Variants in LRRK2 observed in about 807,000 individuals in gnomAD.
The protein encoded by LRRK2 is leucine rich repeat kinase 2.
In LRRK2, 203 loss-of-function variants were observed where a neutral mutation model predicts 302.6. The observed-to-expected ratio is 0.67, with a 90% CI of 0.60 to 0.75. The LOEUF (loss-of-function observed/expected upper bound fraction) is 0.75, where lower values mean the gene tolerates loss of function less well. Among genes scored for constraint, LRRK2 ranks in the 30% least tolerant of loss-of-function variants. The pLI, the probability that LRRK2 is intolerant of heterozygous loss-of-function variation, is 0.00. For synonymous variants in LRRK2, 1,066 were observed against 1,031.9 expected (o/e 1.03, Z -0.63); for missense variants, 2,830 against 2,951.0 (o/e 0.96, Z 0.95).
chr12:40,233,218 A>AAAAC (rs759810380), intron 3 of LRRK2, among the ~76,000 whole-genome samples: 10 of 152,220 alleles, frequency 6.6e-5, no homozygotes, highest in Non-Finnish European at 1.5e-4. Flanking sequence ...CTCTGTCTCA[A>AAAAC]AAACAAACAA....
intron 43 of LRRK2, among the ~76,000 whole-genome samples, chr12:40,348,804 T>A (rs942569234): frequency 1.3e-5 from 2 of 152,076 alleles, no homozygotes; most frequent in Non-Finnish European, 2.9e-5. Context: ...AGAAAAAAAT[T>A]TTTATATATA....
At chr12:40,308,722 AT>A in intron 29 of LRRK2, 26 bp downstream of exon 29, 3 of 1,600,934 alleles carry the variant, frequency 1.9e-6, no homozygotes, top group Non-Finnish European at 2.6e-6. Flanking sequence ...GAATTTTAAA[AT>A]TCACTTTTAC....
At chr12:40,355,547 C>CTT (rs112905910) in intron 45 of LRRK2, among the ~76,000 whole-genome samples, 2 of 87,374 alleles carry the variant, frequency 2.3e-5, no homozygotes, top group African/African-American at 4.4e-5. Context: ...CTTCCTTCTT[C>CTT]TTTTTTTTTT....
In LRRK2 at chr12:40,358,586, G is replaced by A. The variant is rs866721494; in HGVS notation, c.6844-674G>A. On this transcript the variant is annotated intron_variant, in intron 46 of 50. Coordinates refer to ENST00000298910, the MANE Select transcript of LRRK2 (RefSeq NM_198578.4). ...GTCCTCTACATTGGTCTACCTACCT[G>A]TGTTTTTGCCAATACTGTGCTGTTT... 2.6e-5 allele frequency among the ~76,000 whole-genome samples: 4 copies of A among 152,046 alleles called. No individual in the cohort carries two copies. In the South Asian group the frequency reaches 8.3e-4, roughly 32 times the overall value.
intron 14 of LRRK2, among the ~76,000 whole-genome samples, chr12:40,271,031 C>T (rs1437742735): frequency 6.6e-6 from 1 of 152,054 alleles, no homozygotes; most frequent in Non-Finnish European, 1.5e-5. Context: ...CCTGCCTCGA[C>T]CTCCCAAAGT....
At chr12:40,320,497 CT>C in intron 34 of LRRK2, among the ~76,000 whole-genome samples, 1 of 151,892 alleles carries the variant, frequency 6.6e-6, no homozygotes, top group South Asian at 2.1e-4. Flanking sequence ...TTAAACAACA[CT>C]GAGAGAGTTT....
At chr12:40,339,290 A>C (rs1032024615) in intron 40 of LRRK2, among the ~76,000 whole-genome samples, 3 of 152,228 alleles carry the variant, frequency 2.0e-5, no homozygotes, top group Non-Finnish European at 4.4e-5. Flanking sequence ...AGGTTATAAC[A>C]TACCTGTGAC....
rs58559150 is a variant in LRRK2, at chr12:40,293,624, G to C, written c.2769G>C (p.Gln923His). 225 of 1,611,608 alleles carry C rather than the reference G, an allele frequency of 1.4e-4. 1 individual carries two copies. The highest frequency in any genetic ancestry group is 6.7e-4 in the Admixed American group (40 of 59,838). ...AATTTTACCGAGATGCCGTATTACAGCGTTGCTCACCAAATTTGCAAAGAC... is the reference window on the plus strand; with the variant it reads ...AATTTTACCGAGATGCCGTATTACACCGTTGCTCACCAAATTTGCAAAGAC... ...VGEFYRDAVL[Q>H]RCSPNLQRHS... The change falls in exon 21 of 51, where the codon CAG (glutamine) becomes CAC (histidine). Residue 923 changes from glutamine (Q) to histidine (H), a missense_variant. Around this residue, in one of 3 missense-constraint regions of LRRK2, gnomAD observed 2,121 missense variants for 2,148.0 expected, o/e 0.99. Coordinates refer to ENST00000298910, the MANE Select transcript of LRRK2 (RefSeq NM_198578.4).
chr12:40,247,465 A>T lies in LRRK2; in HGVS notation c.839-2361A>T, dbSNP rs1592155852. 4.7e-5 allele frequency among the ~76,000 whole-genome samples: 7 copies of T among 148,484 alleles called. No homozygotes were observed. The South Asian group carries it at 1.5e-3, about 31-fold the overall frequency. On this transcript the variant is annotated intron_variant, in intron 7 of 50. Coordinates refer to ENST00000298910, the MANE Select transcript of LRRK2 (RefSeq NM_198578.4). ...ACTGTATATAAAAATATGTATATAA[A>T]TATATACACATTGTATATAAATGTG...
At chr12:40,292,589 A>G (rs1478671570) in intron 20 of LRRK2, among the ~76,000 whole-genome samples, 1 of 151,764 alleles carries the variant, frequency 6.6e-6, no homozygotes, top group Non-Finnish European at 1.5e-5. Context: ...AAGCATTAAA[A>G]TAATTTAAAC....
intron 25 of LRRK2, among the ~76,000 whole-genome samples, chr12:40,302,165 G>A (rs535761726): frequency 1.3e-5 from 2 of 152,048 alleles, no homozygotes; most frequent in South Asian, 4.1e-4. Context: ...GCAACAGAGC[G>A]AGACTCTGTC....
intron 3 of LRRK2, among the ~76,000 whole-genome samples, chr12:40,234,369 CTTTTTTTTT>C (rs35906443): frequency 1.2e-4 from 5 of 43,072 alleles, no homozygotes; most frequent in Admixed American, 6.6e-4. Context: ...GCTAAATTCA[CTTTTTTTTT>C]TTTTTTTTTT....
rs374734264 is a variant in LRRK2 at position 40,238,455 on chromosome 12, A to G, written c.571+352A>G. Among the ~76,000 whole-genome samples, 36 of 152,344 alleles carry G rather than the reference A, an allele frequency of 2.4e-4. No homozygotes were observed. The East Asian group carries it at 4.0e-3, about 17-fold the overall frequency. On this transcript the variant is annotated intron_variant, in intron 5 of 50. Coordinates refer to ENST00000298910, the MANE Select transcript of LRRK2 (RefSeq NM_198578.4). ...ACTGGGATTATGATGTTGAGTCATC[A>G]CCAGAAATCATAGAAATTGCATAAA...
chr12:40,299,358 A>G (rs1001160300), intron 25 of LRRK2, 101 bp downstream of exon 25: 7 of 1,273,250 alleles, frequency 5.5e-6, no homozygotes, highest in Admixed American at 1.8e-5. Flanking sequence ...GTGGCATTTC[A>G]GTTTAAATAT....
intron 19 of LRRK2, among the ~76,000 whole-genome samples, chr12:40,286,961 C>T (rs1399107886): frequency 6.6e-6 from 1 of 151,990 alleles, no homozygotes; most frequent in Non-Finnish European, 1.5e-5. Flanking sequence ...TCTTTTTCAT[C>T]ACCATATACT....
At chr12:40,302,702 A>T in intron 25 of LRRK2, 87 bp from the exon 26 acceptor site, 1 of 913,096 alleles carries the variant, frequency 1.1e-6, no homozygotes, top group South Asian at 1.4e-5. Context: ...ATTAAGTGAC[A>T]CACTATTGGT....
intron 2 of LRRK2, among the ~76,000 whole-genome samples, chr12:40,231,765 A>G: frequency 6.8e-6 from 1 of 147,216 alleles, no homozygotes; most frequent in Admixed American, 6.8e-5. Context: ...TATAAATTAT[A>G]TATATTATAT....
intron 27 of LRRK2, 66 bp from the exon 28 acceptor site, chr12:40,305,719 C>T (rs140522254): frequency 5.0e-6 from 7 of 1,387,916 alleles, no homozygotes; most frequent in Admixed American, 1.7e-5. Context: ...TTTCTTATCA[C>T]GTTTTTTGGC....
chr12:40,310,052 G>A (rs1944984929), intron 30 of LRRK2, among the ~76,000 whole-genome samples: 1 of 152,072 alleles, frequency 6.6e-6, no homozygotes, highest in South Asian at 2.1e-4. Flanking sequence ...CACAGATAAG[G>A]AAGAGAAAAT....
Sources: allele counts gnomAD v4.1 joint callset (sites outside exome capture counted in the v4.1 genomes callset), GRCh38; gene constraint gnomAD v4.1.1; regional missense constraint gnomAD v4.1.1; transcripts MANE v1.5; gene names NCBI Gene and HGNC (gene_info 2026-07-23, HGNC 2026-07-21).